The following GDAP1L1 variants were observed in gnomAD, a reference collection of about 807,000 sequenced individuals.
The protein encoded by GDAP1L1 is ganglioside-induced differentiation-associated protein 1-like 1.
Under a neutral mutation model 37.1 loss-of-function variants are expected in GDAP1L1, and 21 were observed. The ratio of observed to expected loss-of-function variants is 0.57; its 90% CI spans 0.40 to 0.81. The LOEUF is 0.81. Ranked by LOEUF, GDAP1L1 falls within the 40% of genes least tolerant of loss-of-function variation. The pLI, the probability that GDAP1L1 is intolerant of heterozygous loss-of-function variation, is 0.00. For synonymous variants in GDAP1L1, 193 were observed against 209.1 expected, an observed-to-expected ratio of 0.92 and a Z score of 0.67; for missense variants, 362 against 491.6, an observed-to-expected ratio of 0.74 and a Z score of 2.49.
At chr20:44,258,280 A>C (rs972442228) in intron 2 of GDAP1L1, 154 bp from the exon 3 acceptor site, 15 of 774,368 alleles carry the variant, frequency 1.9e-5, no homozygotes, top group African/African-American at 1.4e-4. Context: ...CCGGGCCACC[A>C]CTAGAATCCC....
At chr20:44,272,550 A>C (rs565640853) in intron 5 of GDAP1L1, among the ~76,000 whole-genome samples, 2 of 152,318 alleles carry the variant, frequency 1.3e-5, no homozygotes, top group South Asian at 4.1e-4. Context: ...AAGTGTAACC[A>C]GTTGGCCTCA....
At chr20:44,270,164 A>AT (rs397756226) in intron 5 of GDAP1L1, among the ~76,000 whole-genome samples, 20,368 of 100,652 alleles carry the variant, frequency 0.2, 2,445 homozygotes, top group African/African-American at 0.23. Context: ...AGTGTCTTAA[A>AT]TTTTTTTTTT....
At chr20:44,264,614 C>G in intron 5 of GDAP1L1, 55 bp downstream of exon 5, 1 of 1,583,534 alleles carries the variant, frequency 6.3e-7, no homozygotes, top group Admixed American at 1.8e-5. Flanking sequence ...CCTACTCTTC[C>G]CCTGCCCAGT....
At position 44,257,351 on chromosome 20, in the gene GDAP1L1, G is replaced by A. The variant is rs1439707604; in HGVS notation, c.373+6G>A. On this transcript the variant is annotated splice_donor_region_variant and intron_variant, in intron 2 of 5. Coordinates refer to ENST00000342560, the MANE Select transcript of GDAP1L1 (RefSeq NM_024034.6). ...GGAGCGCACCTTCACAGGAGGTACGGCTGCCTCCCCACCCAGGGGCCCACT... is the reference window on the plus strand; with the variant it reads ...GGAGCGCACCTTCACAGGAGGTACGACTGCCTCCCCACCCAGGGGCCCACT... The A allele has an allele frequency of 1.2e-6, 2 of 1,610,152 alleles. No homozygotes were observed. The highest frequency in any genetic ancestry group is 2.7e-5 in the African/African-American group (2 of 74,860).
intron 1 of GDAP1L1, among the ~76,000 whole-genome samples, chr20:44,248,841 C>A (rs1457852971): frequency 6.6e-6 from 1 of 152,156 alleles, no homozygotes; most frequent in Non-Finnish European, 1.5e-5. Context: ...ATCATATTGC[C>A]CACTGACTCA....
At chr20:44,251,729 C>T (rs906304666) in intron 1 of GDAP1L1, among the ~76,000 whole-genome samples, 1 of 152,216 alleles carries the variant, frequency 6.6e-6, no homozygotes, top group African/African-American at 2.4e-5. Flanking sequence ...CTCAGGCCCT[C>T]CTGCAGGGTC....
chr20:44,264,726 C>A, intron 5 of GDAP1L1, 167 bp downstream of exon 5: 2 of 1,388,398 alleles, frequency 1.4e-6, no homozygotes, highest in Non-Finnish European at 1.9e-6. Flanking sequence ...TTGGCCACTT[C>A]CTAGCTTAGT....
At chr20:44,258,401 G>C in intron 2 of GDAP1L1, 33 bp from the exon 3 acceptor site, 1 of 1,542,854 alleles carries the variant, frequency 6.5e-7, no homozygotes, top group Non-Finnish European at 8.8e-7. Flanking sequence ...TGCCCCTCTG[G>C]CTTCCCTGCC....
intron 3 of GDAP1L1, among the ~76,000 whole-genome samples, chr20:44,260,615 C>T (rs57203325): frequency 0.011 from 1,608 of 152,214 alleles, 26 homozygotes; most frequent in African/African-American, 0.037. Flanking sequence ...GATGTCCACC[C>T]CAGCCTCCGG....
At chr20:44,262,551 C>T (rs2073691528) in intron 3 of GDAP1L1, among the ~76,000 whole-genome samples, 1 of 152,088 alleles carries the variant, frequency 6.6e-6, no homozygotes, top group Non-Finnish European at 1.5e-5. Flanking sequence ...GTACAGTCTC[C>T]TCCTCCGTGA....
At chr20:44,275,914 G>A (rs1029021741) in intron 5 of GDAP1L1, among the ~76,000 whole-genome samples, 1 of 152,196 alleles carries the variant, frequency 6.6e-6, no homozygotes, top group Non-Finnish European at 1.5e-5. Flanking sequence ...GATAAATAAT[G>A]TAAAACCACG....
chr20:44,264,777 C>A (rs1484552908), intron 5 of GDAP1L1: 2 of 1,200,884 alleles, frequency 1.7e-6, no homozygotes, highest in Non-Finnish European at 2.2e-6. Flanking sequence ...TTCAGTTTCC[C>A]ATCTATAAAA....
In GDAP1L1 at chr20:44,280,347, A is replaced by C; in HGVS notation, c.*1047A>C. ...GCCGCTCATGCATAGAAACCACCAA[A>C]AGCCCCAATAAAGCATCCAGGAGGA... is the stretch of plus-strand genomic sequence containing the variant. On this transcript the variant is annotated 3_prime_UTR_variant, in exon 6 of 6. Coordinates refer to ENST00000342560, the MANE Select transcript of GDAP1L1 (RefSeq NM_024034.6). 6.5e-6 allele frequency: 1 copy of C among 153,742 alleles called. No homozygotes were observed. The highest frequency in any genetic ancestry group is 1.5e-5 in the Non-Finnish European group (1 of 68,850). 9.5% of individuals were successfully genotyped at this position (153,742 alleles called of 1,614,324 possible).
At chr20:44,267,387 A>G (rs926728235) in intron 5 of GDAP1L1, among the ~76,000 whole-genome samples, 4 of 152,168 alleles carry the variant, frequency 2.6e-5, no homozygotes, top group Non-Finnish European at 5.9e-5. Context: ...AGGCAGGTGG[A>G]TCACTTGAGG....
intron 5 of GDAP1L1, among the ~76,000 whole-genome samples, chr20:44,277,384 G>T (rs2062594167): frequency 6.6e-6 from 1 of 152,236 alleles, no homozygotes; most frequent in South Asian, 2.1e-4. Context: ...ATTGAGGCAG[G>T]GGGAACAGCG....
chr20:44,277,397 G>A (rs895802847), intron 5 of GDAP1L1, among the ~76,000 whole-genome samples: 9 of 152,208 alleles, frequency 5.9e-5, no homozygotes, highest in Admixed American at 5.2e-4. Context: ...GAACAGCGAG[G>A]GCAAAGGCCC....
chr20:44,265,549 T>C, intron 5 of GDAP1L1: 1 of 916,668 alleles, frequency 1.1e-6, no homozygotes, highest in South Asian at 5.0e-5. Context: ...GAAATAGAGT[T>C]CCAGCTTTGC....
intron 5 of GDAP1L1, chr20:44,265,313 T>C (rs2073744715): frequency 2.0e-6 from 2 of 985,218 alleles, no homozygotes; most frequent in Non-Finnish European, 2.4e-6. Context: ...CCTACACCAC[T>C]CCACTCCATT....
At chr20:44,277,042 G>A (rs908230794) in intron 5 of GDAP1L1, among the ~76,000 whole-genome samples, 6 of 151,344 alleles carry the variant, frequency 4.0e-5, no homozygotes, top group African/African-American at 1.2e-4. Context: ...TATTTATTTC[G>A]AGATGGGGTT....
Sources: allele counts gnomAD v4.1 joint callset (sites outside exome capture counted in the v4.1 genomes callset), GRCh38; gene constraint gnomAD v4.1.1; transcripts MANE v1.5; gene names NCBI Gene and HGNC (gene_info 2026-07-23, HGNC 2026-07-21).